TTC21B: variants seen among roughly 807,000 people sequenced by gnomAD.
The protein encoded by TTC21B is tetratricopeptide repeat protein 21B.
In TTC21B, 127 loss-of-function variants were observed where a neutral mutation model predicts 175.1. That is an observed-to-expected ratio of 0.73 (90% confidence interval 0.63 to 0.84). The LOEUF (loss-of-function observed/expected upper bound fraction) is 0.84, where lower values mean the gene tolerates loss of function less well. Ranked by LOEUF, TTC21B falls within the 40% of genes least tolerant of loss-of-function variation. The pLI, the probability that TTC21B is intolerant of heterozygous loss-of-function variation, is 0.00. For missense variants in TTC21B, 1,561 were observed against 1,558.3 expected (o/e 1.00, Z -0.03); for synonymous variants, 524 against 524.5 (o/e 1.00, Z 0.01).
At chr2:165,886,613 T>C (rs971696669) in intron 25 of TTC21B, among the ~76,000 whole-genome samples, 6 of 152,146 alleles carry the variant, frequency 3.9e-5, no homozygotes, top group African/African-American at 1.4e-4. Context: ...TAACCACATA[T>C]GTAAGGATGA....
intron 3 of TTC21B, 94 bp from the exon 4 acceptor site, chr2:165,945,784 C>G: frequency 7.9e-7 from 1 of 1,271,974 alleles, no homozygotes; most frequent in Non-Finnish European, 1.1e-6. Flanking sequence ...ATTTACTTCT[C>G]TCTATAGTGG....
At position 165,926,873 on chromosome 2, in the gene TTC21B, G is replaced by A. The variant is rs114495941; in HGVS notation, c.1387-2195C>T. On this transcript the variant is annotated intron_variant, in intron 11 of 28. Coordinates refer to ENST00000243344, the MANE Select transcript of TTC21B (RefSeq NM_024753.5). ...TCCAAGTTCTTCAGCTTTGGGACTC[G>A]GACTGGCTTCTTTGCTCCTCGGCTT... 8.7e-3 allele frequency among the ~76,000 whole-genome samples: 1,316 copies of A among 150,858 alleles called. 21 individuals are homozygous for A. Among genetic ancestry groups the A allele is most frequent in the African/African-American group, 0.03 (1,247 of 40,916 alleles).
intron 7 of TTC21B, among the ~76,000 whole-genome samples, chr2:165,932,588 A>G (rs1040336023): frequency 7.9e-5 from 12 of 152,144 alleles, no homozygotes; most frequent in Non-Finnish European, 1.6e-4. Context: ...AAATTCAGTT[A>G]AATTGTAAAT....
At chr2:165,949,825 A>T in intron 1 of TTC21B, 101 bp from the exon 2 acceptor site, 1 of 1,242,168 alleles carries the variant, frequency 8.1e-7, no homozygotes, top group Non-Finnish European at 1.1e-6. Context: ...TGTAAAATTC[A>T]GGCAATGTGA....
intron 11 of TTC21B, chr2:165,928,838 C>T: frequency 8.2e-6 from 3 of 364,992 alleles, no homozygotes; most frequent in South Asian, 4.8e-5. Flanking sequence ...AGTGATGTTA[C>T]AGACTGGTAG....
chr2:165,927,868 C>T lies in TTC21B; in HGVS notation c.1386+1267G>A, dbSNP rs1311413897. 1.3e-5 allele frequency among the ~76,000 whole-genome samples: 2 copies of T among 152,164 alleles called. 1 individual carries two copies. Among genetic ancestry groups the T allele is most frequent in the Non-Finnish European group, 2.9e-5 (2 of 68,022 alleles). On this transcript the variant is annotated intron_variant, in intron 11 of 28. Coordinates refer to ENST00000243344, the MANE Select transcript of TTC21B (RefSeq NM_024753.5). ...TCATTTTCCTTATTTCCCATGTTAA[C>T]ACAGTTACTGAAGCTATAGATCAGG...
chr2:165,930,929 C>G (rs1016627460), intron 8 of TTC21B, among the ~76,000 whole-genome samples: 3 of 151,814 alleles, frequency 2.0e-5, no homozygotes, highest in Admixed American at 2.0e-4. Flanking sequence ...AGAATAAGTA[C>G]ATAATTTTTC....
chr2:165,926,169 G>A (rs1249035457), intron 11 of TTC21B, among the ~76,000 whole-genome samples: 1 of 152,154 alleles, frequency 6.6e-6, no homozygotes, highest in East Asian at 1.9e-4. Context: ...TATCATGCTG[G>A]TAAAGGAAAA....
intron 11 of TTC21B, 34 bp downstream of exon 11, chr2:165,929,101 C>T (rs771184899): frequency 1.3e-5 from 21 of 1,589,218 alleles, no homozygotes; most frequent in East Asian, 9.0e-5. Context: ...ATCAAGTAAA[C>T]GCATCCTTGA....
intron 11 of TTC21B, among the ~76,000 whole-genome samples, chr2:165,925,278 G>C (rs200775036): frequency 6.6e-6 from 1 of 152,076 alleles, no homozygotes; most frequent in East Asian, 1.9e-4. Context: ...TTAATAATGA[G>C]TATGATAATT....
At chr2:165,888,685 T>C (rs1027123696) in intron 24 of TTC21B, among the ~76,000 whole-genome samples, 5 of 152,174 alleles carry the variant, frequency 3.3e-5, no homozygotes, top group African/African-American at 7.2e-5. Flanking sequence ...AAAATTAATA[T>C]GGACTCAATA....
intron 19 of TTC21B, among the ~76,000 whole-genome samples, chr2:165,903,995 C>T (rs1685648087): frequency 3.3e-5 from 5 of 152,094 alleles, no homozygotes. Flanking sequence ...AACATATAAA[C>T]TCAAAATTGA....
At chr2:165,876,321 A>G in intron 27 of TTC21B, 89 bp from the exon 28 acceptor site, 1 of 844,362 alleles carries the variant, frequency 1.2e-6, no homozygotes, top group Non-Finnish European at 2.0e-6. Context: ...CTTACTCACT[A>G]GAGAATGGTA....
intron 14 of TTC21B, among the ~76,000 whole-genome samples, chr2:165,916,196 G>A (rs1423840476): frequency 6.6e-6 from 1 of 152,212 alleles, no homozygotes; most frequent in Non-Finnish European, 1.5e-5. Flanking sequence ...CCAGGAGTTT[G>A]AGGTTGCAGT....
chr2:165,934,494 C>A (rs1687040655), intron 6 of TTC21B, among the ~76,000 whole-genome samples: 1 of 91,542 alleles, frequency 1.1e-5, no homozygotes. Flanking sequence ...AAGCGAGACT[C>A]TGTCTCAAAA....
At chr2:165,907,541 T>C (rs2105313372) in intron 19 of TTC21B, 137 bp downstream of exon 19, 1 of 675,828 alleles carries the variant, frequency 1.5e-6, no homozygotes, top group Non-Finnish European at 2.7e-6. Context: ...TTCATAAGCA[T>C]TCAATAAGTA....
At position 165,917,297 on chromosome 2, in the gene TTC21B, A is replaced by C; in HGVS notation, c.1859T>G (p.Phe620Cys). 1.2e-6 allele frequency: 2 copies of C among 1,614,198 alleles called. No homozygotes were observed. The highest frequency in any genetic ancestry group is 8.5e-7 in the Non-Finnish European group (1 of 1,180,018). ...GCGGTGAACGTCTATCAATTCAAGAAAGATCGATAAACGATGGCTTGTATC... is the reference window on the plus strand; with the variant it reads ...GCGGTGAACGTCTATCAATTCAAGACAGATCGATAAACGATGGCTTGTATC... ...EVDTSHRLSIFLELIDVHRLN... is the reference protein window; with the variant it reads ...EVDTSHRLSICLELIDVHRLN... The change falls in exon 14 of 29, where the codon TTT becomes TGT. Residue 620 changes from phenylalanine (F) to cysteine (C), a missense_variant. Coordinates refer to ENST00000243344, the MANE Select transcript of TTC21B (RefSeq NM_024753.5).
chr2:165,932,732 A>G (rs1686958811), intron 7 of TTC21B, among the ~76,000 whole-genome samples: 1 of 152,096 alleles, frequency 6.6e-6, no homozygotes, highest in Non-Finnish European at 1.5e-5. Context: ...ACTATAATTA[A>G]TGATTTAAGG....
At chr2:165,875,306 T>C (rs1684631164) in intron 28 of TTC21B, among the ~76,000 whole-genome samples, 1 of 151,868 alleles carries the variant, frequency 6.6e-6, no homozygotes, top group South Asian at 2.1e-4. Context: ...GATCCTAATA[T>C]ATAGCCTTAC....
Sources: allele counts gnomAD v4.1 joint callset (sites outside exome capture counted in the v4.1 genomes callset), GRCh38; gene constraint gnomAD v4.1.1; transcripts MANE v1.5; gene names NCBI Gene and HGNC (gene_info 2026-07-23, HGNC 2026-07-21).